PTPRM: variants seen among roughly 807,000 people sequenced by gnomAD.
PTPRM encodes protein tyrosine phosphatase receptor type M.
In PTPRM, 47 loss-of-function variants were observed where a neutral mutation model predicts 186.7. The observed-to-expected ratio is 0.25, with a 90% CI of 0.20 to 0.32. The LOEUF (loss-of-function observed/expected upper bound fraction) is 0.32, where lower values mean the gene tolerates loss of function less well. PTPRM is among the 10% of genes least tolerant of loss of function. PTPRM has a pLI of 1.00. For missense variants in PTPRM, 1,494 were observed against 1,865.0 expected (o/e 0.80, Z 3.66); for synonymous variants, 668 against 674.9 (o/e 0.99, Z 0.16).
intron 14 of PTPRM, among the ~76,000 whole-genome samples, chr18:8,170,503 A>G (rs1317348359): frequency 6.6e-6 from 1 of 152,168 alleles, no homozygotes; most frequent in East Asian, 1.9e-4. Flanking sequence ...GTTAAAAAAA[A>G]AAAAAAAAGC....
At chr18:7,874,343 G>A (rs903616474) in intron 2 of PTPRM, among the ~76,000 whole-genome samples, 108 of 152,212 alleles carry the variant, frequency 7.1e-4, no homozygotes, top group African/African-American at 2.5e-3. Flanking sequence ...GGGAAAGAAC[G>A]AACTGGGTCT....
At chr18:8,153,842 G>A (rs1390691588) in intron 14 of PTPRM, among the ~76,000 whole-genome samples, 1 of 152,146 alleles carries the variant, frequency 6.6e-6, no homozygotes, top group Non-Finnish European at 1.5e-5. Context: ...GGAATTCCTA[G>A]ATCTGTATTT....
At chr18:8,248,315 T>C (rs2094496551) in intron 17 of PTPRM, 139 bp downstream of exon 17, 1 of 852,766 alleles carries the variant, frequency 1.2e-6, no homozygotes, top group African/African-American at 1.7e-5. Flanking sequence ...GTGGCCTGGG[T>C]CATGGGGTTA....
In PTPRM at chr18:8,239,121, A is replaced by T. The variant is rs567837880; in HGVS notation, c.2301-4937A>T. On this transcript the variant is annotated intron_variant, in intron 14 of 32. Transcript: ENST00000580170. ...TAACTCGTCATTTAGCATTAGGTAT[A>T]TCTCCTAATGCTATCCCTCCCCCCT... is the stretch of plus-strand genomic sequence containing the variant. 9.0e-5 allele frequency among the ~76,000 whole-genome samples: 13 copies of T among 144,764 alleles called. No homozygotes were observed. In the South Asian group the frequency reaches 9.3e-4, roughly 10 times the overall value. 95.0% of individuals were successfully genotyped at this position (144,764 alleles called of 152,430 possible). A position where few individuals can be genotyped will look rare whatever the true frequency, so the allele number is the denominator to read the frequency against.
intron 7 of PTPRM, among the ~76,000 whole-genome samples, chr18:8,020,941 C>T (rs922837191): frequency 4.6e-5 from 7 of 152,094 alleles, no homozygotes; most frequent in Non-Finnish European, 8.8e-5. Flanking sequence ...ACCAAAGTTT[C>T]CCAGACACAG....
At chr18:8,378,611 C>A (rs891243371) in intron 27 of PTPRM, among the ~76,000 whole-genome samples, 197 bp downstream of exon 27, 46 of 152,072 alleles carry the variant, frequency 3.0e-4, no homozygotes, top group African/African-American at 1.1e-3. Flanking sequence ...TGTGTGTAGA[C>A]ATTGCCAGGT....
At chr18:7,978,947 C>G (rs1380501616) in intron 7 of PTPRM, among the ~76,000 whole-genome samples, 2 of 152,094 alleles carry the variant, frequency 1.3e-5, no homozygotes, top group Non-Finnish European at 2.9e-5. Flanking sequence ...ATGGAGCTGA[C>G]AGAACTTAGC....
chr18:8,203,279 A>G (rs1453067793), intron 14 of PTPRM, among the ~76,000 whole-genome samples: 1 of 152,250 alleles, frequency 6.6e-6, no homozygotes, highest in African/African-American at 2.4e-5. Flanking sequence ...TAAAATAGCT[A>G]GAAATCAGAG....
At chr18:7,938,797 A>G (rs1047222110) in intron 5 of PTPRM, among the ~76,000 whole-genome samples, 14 of 152,350 alleles carry the variant, frequency 9.2e-5, no homozygotes, top group Middle Eastern at 3.4e-3. Flanking sequence ...GAATATACCA[A>G]TAATAATAGG....
rs1280387242 is a variant in PTPRM at position 7,705,334 on chromosome 18, T to TCTAG, written c.74-68799_74-68796dup. On this transcript the variant is annotated intron_variant, in intron 1 of 32. Transcript: ENST00000580170. ...ATCTATCTATCTATCTATCTGTCTA[T>TCTAG]CTAGCTAGCTAGCTAGCTATCTTTC... 8.0e-3 allele frequency among the ~76,000 whole-genome samples: 1,216 copies of TCTAG among 151,342 alleles called. 21 individuals are homozygous for TCTAG. The highest frequency in any genetic ancestry group is 0.028 in the African/African-American group (1,166 of 41,382).
Position 8,069,994 on chromosome 18 carries a change from C to A in PTPRM, c.1441C>A (p.Leu481Ile). 1 of 1,607,064 alleles carries A rather than the reference C, an allele frequency of 6.2e-7. No homozygotes were observed. The highest frequency in any genetic ancestry group is 1.7e-4 in the Middle Eastern group (1 of 6,024). The change falls in exon 8 of 33, where the codon CTC becomes ATC. Residue 481 changes from leucine to isoleucine, a missense_variant and splice_region_variant. By Grantham distance (5) the Leu-to-Ile change is conservative (BLOSUM62 2). Around this residue, in one of 3 missense-constraint regions of PTPRM, gnomAD observed 1,107 missense variants for 1,350.2 expected, o/e 0.82. Coordinates refer to ENST00000580170, the MANE Select transcript of PTPRM (RefSeq NM_001105244.2). Reference protein sequence around the residue: ...QELIVQTDEDLPGAVPTESIQ... With the variant: ...QELIVQTDEDIPGAVPTESIQ... ...ACTCATAGTGCAGACAGATGAAGAC[C>A]GTGAGTACCTTTGAATGATATGTTT...
intron 7 of PTPRM, among the ~76,000 whole-genome samples, chr18:7,988,391 AT>A (rs1029277784): frequency 9.2e-5 from 14 of 152,126 alleles, no homozygotes; most frequent in African/African-American, 2.4e-4. Flanking sequence ...AAAATTTTTT[AT>A]TTTTTATTGT....
intron 1 of PTPRM, among the ~76,000 whole-genome samples, chr18:7,672,413 G>A (rs1243851645): frequency 6.6e-6 from 1 of 151,952 alleles, no homozygotes; most frequent in Non-Finnish European, 1.5e-5. Context: ...AAAATTAAAC[G>A]AAGACCTAGT....
At chr18:8,171,798 G>C (rs528770886) in intron 14 of PTPRM, among the ~76,000 whole-genome samples, 1 of 152,234 alleles carries the variant, frequency 6.6e-6, no homozygotes, top group East Asian at 1.9e-4. Flanking sequence ...AAGAAATGCA[G>C]TTATTGCACC....
chr18:8,391,282 C>A (rs2095810575), intron 31 of PTPRM, among the ~76,000 whole-genome samples: 1 of 152,186 alleles, frequency 6.6e-6, no homozygotes, highest in Non-Finnish European at 1.5e-5. Context: ...AGAAATGAAT[C>A]ATCTACCAAA....
At chr18:7,825,879 G>T (rs1290359351) in intron 2 of PTPRM, among the ~76,000 whole-genome samples, 35 of 152,190 alleles carry the variant, frequency 2.3e-4, no homozygotes, top group Non-Finnish European at 1.5e-5. Flanking sequence ...AATATCGAAT[G>T]GGACATAGTT....
chr18:7,617,714 GT>G (rs2037840334), intron 1 of PTPRM, among the ~76,000 whole-genome samples: 1 of 152,154 alleles, frequency 6.6e-6, no homozygotes, highest in South Asian at 2.1e-4. Context: ...TAATATATGT[GT>G]TTCTTTCTCC....
At chr18:8,179,775 C>G (rs2093547740) in intron 14 of PTPRM, among the ~76,000 whole-genome samples, 1 of 152,088 alleles carries the variant, frequency 6.6e-6, no homozygotes, top group Non-Finnish European at 1.5e-5. Context: ...GCCTAAATAT[C>G]CCTCTTTTTA....
At chr18:8,189,409 G>A (rs542128673) in intron 14 of PTPRM, among the ~76,000 whole-genome samples, 1 of 152,232 alleles carries the variant, frequency 6.6e-6, no homozygotes, top group Admixed American at 6.5e-5. Flanking sequence ...AGGGCATACT[G>A]ATGTCCTTCT....
Sources: gnomAD v4.1 joint callset for allele counts (sites outside exome capture counted in the v4.1 genomes callset) on GRCh38, gnomAD v4.1.1 for gene constraint, gnomAD v4.1.1 regional missense constraint, MANE v1.5 for transcripts, NCBI Gene and HGNC (gene_info 2026-07-23, HGNC 2026-07-21) for gene names.